The following SDHAF3 variants were observed in gnomAD, a reference collection of about 807,000 sequenced individuals.
SDHAF3 encodes succinate dehydrogenase assembly factor 3, mitochondrial.
A neutral mutation model predicts 11.5 loss-of-function variants in SDHAF3; 18 were observed. That is an observed-to-expected ratio of 1.56 (90% CI 1.08 to 2.32). The LOEUF (loss-of-function observed/expected upper bound fraction) is 2.32, where lower values mean the gene tolerates loss of function less well. Among genes scored for constraint, SDHAF3 ranks in the 30% most tolerant of loss-of-function variants. SDHAF3 has a pLI of 0.00. For synonymous variants in SDHAF3, 72 were observed against 59.3 expected, an observed-to-expected ratio of 1.21 and a Z score of -0.99; for missense variants, 200 against 154.4, an observed-to-expected ratio of 1.30 and a Z score of -1.57.
intron 1 of SDHAF3, among the ~76,000 whole-genome samples, chr7:97,128,877 T>A (rs1301532786): frequency 6.6e-6 from 1 of 152,128 alleles, no homozygotes; most frequent in Non-Finnish European, 1.5e-5. Context: ...TGGTGCACTT[T>A]TTTTTTCCTT....
chr7:97,164,217 C>T (rs1209196568), intron 1 of SDHAF3, among the ~76,000 whole-genome samples: 1 of 151,804 alleles, frequency 6.6e-6, no homozygotes, highest in East Asian at 1.9e-4. Context: ...CAGGCACAAG[C>T]CACCGCGCCT....
intron 1 of SDHAF3, among the ~76,000 whole-genome samples, chr7:97,149,328 T>C (rs1486687612): frequency 6.6e-6 from 1 of 152,168 alleles, no homozygotes; most frequent in Non-Finnish European, 1.5e-5. Flanking sequence ...GAAATAAAAA[T>C]TTCAGTTTTT....
intron 1 of SDHAF3, among the ~76,000 whole-genome samples, chr7:97,165,975 A>C (rs936982262): frequency 6.6e-6 from 1 of 152,230 alleles, no homozygotes; most frequent in African/African-American, 2.4e-5. Context: ...AACTTTGTAC[A>C]AATTGCCAAG....
chr7:97,161,626 C>T (rs1432930139), intron 1 of SDHAF3, among the ~76,000 whole-genome samples: 1 of 152,130 alleles, frequency 6.6e-6, no homozygotes, highest in African/African-American at 2.4e-5. Flanking sequence ...TGCTGTTCCC[C>T]TCCCTGTGTA....
At chr7:97,160,518 A>G (rs1369222076) in intron 1 of SDHAF3, among the ~76,000 whole-genome samples, 1 of 152,198 alleles carries the variant, frequency 6.6e-6, no homozygotes, top group Non-Finnish European at 1.5e-5. Flanking sequence ...CTATGTAGAA[A>G]GAAGTAGACA....
intron 1 of SDHAF3, among the ~76,000 whole-genome samples, chr7:97,155,548 A>G (rs987094072): frequency 2.6e-5 from 4 of 152,152 alleles, no homozygotes; most frequent in Non-Finnish European, 4.4e-5. Flanking sequence ...ATTTATGGCA[A>G]TTATTATGCA....
At chr7:97,132,065 T>C (rs1161195745) in intron 1 of SDHAF3, among the ~76,000 whole-genome samples, 1 of 152,170 alleles carries the variant, frequency 6.6e-6, no homozygotes, top group Non-Finnish European at 1.5e-5. Context: ...TGATTATCTG[T>C]AAAAATCAGG....
chr7:97,152,688 C>T (rs1447435694), intron 1 of SDHAF3, among the ~76,000 whole-genome samples: 1 of 152,118 alleles, frequency 6.6e-6, no homozygotes, highest in Admixed American at 6.5e-5. Flanking sequence ...CTCGCTCTTT[C>T]GCCCAGGCTG....
At chr7:97,179,280 T>C (rs529645200) in intron 1 of SDHAF3, among the ~76,000 whole-genome samples, 1 of 152,336 alleles carries the variant, frequency 6.6e-6, no homozygotes, top group African/African-American at 2.4e-5. Flanking sequence ...GTCCTCTGTT[T>C]TTGCTATTTA....
chr7:97,117,970 C>T, intron 1 of SDHAF3, 73 bp downstream of exon 1: 1 of 1,557,744 alleles, frequency 6.4e-7, no homozygotes. Context: ...GTTCCAGTCC[C>T]CCATGCGGGG....
intron 1 of SDHAF3, among the ~76,000 whole-genome samples, chr7:97,155,071 A>G (rs1223876230): frequency 6.6e-6 from 1 of 152,124 alleles, no homozygotes; most frequent in Non-Finnish European, 1.5e-5. Flanking sequence ...TAATTCATCT[A>G]TTTCAAAATT....
intron 1 of SDHAF3, among the ~76,000 whole-genome samples, chr7:97,137,300 AT>A (rs1411039663): frequency 6.6e-6 from 1 of 152,134 alleles, no homozygotes; most frequent in Admixed American, 6.5e-5. Context: ...ACTCTTGGAA[AT>A]TTCCTGGAAA....
At chr7:97,176,779 T>C (rs1285484866) in intron 1 of SDHAF3, among the ~76,000 whole-genome samples, 1 of 152,150 alleles carries the variant, frequency 6.6e-6, no homozygotes, top group Non-Finnish European at 1.5e-5. Context: ...TTATTATAAA[T>C]TATACCCTAA....
intron 1 of SDHAF3, among the ~76,000 whole-genome samples, chr7:97,125,759 C>T (rs1035320811): frequency 2.0e-5 from 3 of 152,148 alleles, no homozygotes; most frequent in African/African-American, 4.8e-5. Flanking sequence ...TTCTTAGCTT[C>T]CTTGCATTGG....
intron 1 of SDHAF3, among the ~76,000 whole-genome samples, chr7:97,177,712 AC>A (rs1290943122): frequency 1.3e-5 from 2 of 152,188 alleles, no homozygotes; most frequent in East Asian, 3.8e-4. Context: ...TCTCCAGTCT[AC>A]TATTAAGTGA....
At chr7:97,173,561 T>TG (rs1278216155) in intron 1 of SDHAF3, among the ~76,000 whole-genome samples, 1 of 41,508 alleles carries the variant, frequency 2.4e-5, no homozygotes, top group Non-Finnish European at 4.8e-5. Context: ...TTTTTTTTTT[T>TG]TTGAGATGAG....
intron 1 of SDHAF3, among the ~76,000 whole-genome samples, chr7:97,150,432 G>A (rs1789201240): frequency 6.6e-6 from 1 of 152,128 alleles, no homozygotes; most frequent in South Asian, 2.1e-4. Context: ...GATCCGTGGG[G>A]CTACATAATG....
chr7:97,154,348 CA>C (rs1789271505), intron 1 of SDHAF3, among the ~76,000 whole-genome samples: 3 of 152,316 alleles, frequency 2.0e-5, no homozygotes, highest in East Asian at 1.9e-4. Flanking sequence ...GTGCAGGTCA[CA>C]ATGGCTTAGC....
At chr7:97,117,966 G>C in intron 1 of SDHAF3, 69 bp downstream of exon 1, 1 of 1,568,934 alleles carries the variant, frequency 6.4e-7, no homozygotes, top group Admixed American at 1.8e-5. Context: ...TCTAGTTCCA[G>C]TCCCCCATGC....
Sources: allele counts gnomAD v4.1 joint callset (sites outside exome capture counted in the v4.1 genomes callset), GRCh38; gene constraint gnomAD v4.1.1; transcripts MANE v1.5; gene names NCBI Gene and HGNC (gene_info 2026-07-23, HGNC 2026-07-21).